KLC2: variants seen among roughly 807,000 people sequenced by gnomAD.
KLC2 encodes kinesin light chain 2, also known as KLC 2.
A neutral mutation model predicts 75.1 loss-of-function variants in KLC2; 35 were observed. The observed-to-expected ratio is 0.47, with a 90% CI of 0.36 to 0.62. The LOEUF (loss-of-function observed/expected upper bound fraction) is 0.62. Among genes scored for constraint, KLC2 ranks in the 20% least tolerant of loss-of-function variants. KLC2 has a pLI of 0.00. For synonymous variants in KLC2, 314 were observed against 336.7 expected, an observed-to-expected ratio of 0.93 and a Z score of 0.74; for missense variants, 611 against 833.2, an observed-to-expected ratio of 0.73 and a Z score of 3.28.
Position 66,267,392 on chromosome 11 carries a change from C to G in KLC2, c.*436C>G, listed in dbSNP as rs2134848094. 1.4e-6 allele frequency: 1 copy of G among 718,992 alleles called. No homozygotes were observed. 44.5% of individuals were successfully genotyped at this position (718,992 alleles called of 1,614,324 possible). ...GCCTCCCTTCAGTCCACGGTACTAC[C>G]CGGGCCTCCCCTCGTCCCTCTTCTA... is the stretch of plus-strand genomic sequence containing the variant. On this transcript the variant is annotated 3_prime_UTR_variant, in exon 16 of 16. Coordinates refer to ENST00000394067, the MANE Select transcript of KLC2 (RefSeq NM_001318734.2).
chr11:66,262,075 G>A lies in KLC2; in HGVS notation c.460-48G>A, dbSNP rs367882054. 123 of 1,596,372 alleles carry A rather than the reference G, an allele frequency of 7.7e-5. No homozygotes were observed. The African/African-American group carries it at 1.6e-3, about 20-fold the overall frequency. On this transcript the variant is annotated intron_variant, in intron 3 of 15. Transcript: ENST00000394067. ...TCCACCCCAGCCCATGGACACCCCG[G>A]CTGCCCTGTGCCTCCTTCCCTGATG...
rs758751697 is a variant in KLC2 at position 66,267,165 on chromosome 11, T to G, written c.*209T>G. ...TCCAGCTCCATCCCTTATTTATTCC[T>G]TCCAGCAGGGCCCTCTTCCCTAGGT... On this transcript the variant is annotated 3_prime_UTR_variant, in exon 16 of 16. Transcript: ENST00000394067. 3.9e-6 allele frequency: 6 copies of G among 1,546,516 alleles called. No individual in the cohort carries two copies. In the African/African-American group the frequency reaches 4.1e-5, roughly 11 times the overall value.
At chr11:66,256,929 A>C (rs1856062226), upstream of KLC2, among the ~76,000 whole-genome samples, 1 of 152,142 alleles carries the variant, frequency 6.6e-6, no homozygotes. Flanking sequence ...ACACCCAGAA[A>C]GGAGAAATTG....
At chr11:66,258,515 C>T in intron 1 of KLC2, 69 bp from the exon 2 acceptor site, 1 of 1,093,188 alleles carries the variant, frequency 9.1e-7, no homozygotes, top group South Asian at 1.4e-5. Flanking sequence ...GCCTGTTTAC[C>T]TAATCCGGGG....
At chr11:66,261,637 C>A in intron 2 of KLC2, 105 bp from the exon 3 acceptor site, 2 of 674,970 alleles carry the variant, frequency 3.0e-6, no homozygotes, top group South Asian at 3.6e-5. Context: ...ACTGTAGGGC[C>A]AGGCCTGGCC....
Position 66,263,945 on chromosome 11 carries a change from G to A in KLC2, c.935G>A (p.Arg312Gln), listed in dbSNP as rs1316532493. 7 of 1,613,736 alleles carry A rather than the reference G, an allele frequency of 4.3e-6. No homozygotes were observed. Among genetic ancestry groups the A allele is most frequent in the South Asian group, 2.2e-5 (2 of 91,064 alleles). ...TTGTGCAAGCGGGCACTGGAGATCC[G>A]GGAGAAGGTGGGAACAGGCAGGGCT... ...EPLCKRALEI[R>Q]EKVLGKFHPD... The change falls in exon 7 of 16, where the codon CGG (arginine) becomes CAG (glutamine). Residue 312 changes from arginine (R) to glutamine (Q), a missense_variant. Physicochemically the swap from Arg to Gln is conservative, Grantham distance 43. Transcript: ENST00000394067.
intron 2 of KLC2, among the ~76,000 whole-genome samples, chr11:66,260,255 A>T (rs1479961515): frequency 2.6e-5 from 4 of 152,080 alleles, no homozygotes; most frequent in Non-Finnish European, 5.9e-5. Flanking sequence ...GGTCTCAGAC[A>T]GCCTGGCCCT....
At chr11:66,251,446 C>T in the KLC2 span, among the ~76,000 whole-genome samples, 3 of 135,108 alleles carry the variant, frequency 2.2e-5, 1 homozygote, top group South Asian at 4.7e-4. Context: ...GTGCCAAGAT[C>T]GCGCCACTGC....
rs525698 is a variant in KLC2, at chr11:66,263,979, T to C, written c.942+27T>C. ...TGGGAACAGGCAGGGCTGGGCAGGCTGGGGGTCTGGGAGGCAGGGGCCCGG... is the reference window on the plus strand; with the variant it reads ...TGGGAACAGGCAGGGCTGGGCAGGCCGGGGGTCTGGGAGGCAGGGGCCCGG... On this transcript the variant is annotated intron_variant, in intron 7 of 15. Coordinates refer to ENST00000394067, the MANE Select transcript of KLC2 (RefSeq NM_001318734.2). The C allele has an allele frequency of 1, 1,605,616 of 1,613,502 alleles. 799,114 individuals carry two copies. The highest frequency in any genetic ancestry group is 1 in the East Asian group (44,862 of 44,864).
At position 66,262,104 on chromosome 11, in the gene KLC2, A is replaced by G; in HGVS notation, c.460-19A>G. On this transcript the variant is annotated intron_variant, in intron 3 of 15. Transcript: ENST00000394067. ...CCCTGTGCCTCCTTCCCTGATGCTCATCCTGTCTTCCTTCCCAGGAGGAGA... is the reference window on the plus strand; with the variant it reads ...CCCTGTGCCTCCTTCCCTGATGCTCGTCCTGTCTTCCTTCCCAGGAGGAGA... 6.2e-7 allele frequency: 1 copy of G among 1,612,076 alleles called. No individual in the cohort carries two copies. The highest frequency in any genetic ancestry group is 8.5e-7 in the Non-Finnish European group (1 of 1,178,770).
At chr11:66,264,792 TG>T in intron 9 of KLC2, 1 of 589,524 alleles carries the variant, frequency 1.7e-6, no homozygotes, top group Non-Finnish European at 3.0e-6. Context: ...CCTCGGAGCC[TG>T]GCCCATCATT....
At chr11:66,247,689 A>G in the KLC2 span, among the ~76,000 whole-genome samples, 1 of 151,116 alleles carries the variant, frequency 6.6e-6, no homozygotes, top group Non-Finnish European at 1.5e-5. Flanking sequence ...TGTCTCTCCC[A>G]CAAGAATGCA....
In KLC2 at chr11:66,258,700, C is replaced by A. The variant is rs566333033; in HGVS notation, c.106C>A (p.Arg36Ser). Residue 36 changes from arginine to serine, a missense_variant, in exon 2 of 16, where the codon CGT becomes AGT. By Grantham distance (110) the Arg-to-Ser change is moderately radical. Transcript: ENST00000394067. ...QGLETLRGEH[R>S]ALLAPLVAPE... ...ACTGGAGACTCTGCGTGGGGAGCAT[C>A]GTGCCCTGCTGGCTCCTCTGGTTGC... 1 of 1,613,832 alleles carries A rather than the reference C, an allele frequency of 6.2e-7. No individual in the cohort carries two copies. The highest frequency in any genetic ancestry group is 1.1e-5 in the South Asian group (1 of 91,086).
In KLC2 at chr11:66,267,390, A is replaced by T; in HGVS notation, c.*434A>T. 1.4e-6 allele frequency: 1 copy of T among 719,286 alleles called. No individual in the cohort carries two copies. Among genetic ancestry groups the T allele is most frequent in the Non-Finnish European group, 2.6e-6 (1 of 386,906 alleles). 44.6% of individuals were successfully genotyped at this position (719,286 alleles called of 1,614,324 possible). ...GCGCCTCCCTTCAGTCCACGGTACT[A>T]CCCGGGCCTCCCCTCGTCCCTCTTC... On this transcript the variant is annotated 3_prime_UTR_variant, in exon 16 of 16. Transcript: ENST00000394067.
intron 5 of KLC2, 72 bp from the exon 6 acceptor site, chr11:66,263,588 C>T: frequency 9.6e-7 from 1 of 1,045,890 alleles, no homozygotes; most frequent in South Asian, 1.4e-5. Flanking sequence ...GGAGTGACCA[C>T]AGGGATTGCA....
chr11:66,262,290 T>A, intron 4 of KLC2, 98 bp downstream of exon 4: 3 of 904,592 alleles, frequency 3.3e-6, no homozygotes, highest in Non-Finnish European at 5.4e-6. Flanking sequence ...GCCTCACTTC[T>A]GATCATGACA....
At chr11:66,255,851 C>T (rs1343365960), upstream of KLC2, among the ~76,000 whole-genome samples, 1 of 151,786 alleles carries the variant, frequency 6.6e-6, no homozygotes, top group East Asian at 1.9e-4. Flanking sequence ...CTGCAACCTC[C>T]GCCTCCCGGG....
At chr11:66,248,887 TAC>T in the KLC2 span, among the ~76,000 whole-genome samples, 1 of 152,110 alleles carries the variant, frequency 6.6e-6, no homozygotes, top group African/African-American at 2.4e-5. Flanking sequence ...CATGTGTCAT[TAC>T]ACCTGGCTCT....
At chr11:66,264,898 A>T in intron 9 of KLC2, 125 bp from the exon 10 acceptor site, 2 of 813,176 alleles carry the variant, frequency 2.5e-6, no homozygotes, top group Non-Finnish European at 4.1e-6. Context: ...TTTGGGTCTT[A>T]CTCTTGTTCA....
Sources: gnomAD v4.1 joint callset for allele counts (sites outside exome capture counted in the v4.1 genomes callset) on GRCh38, gnomAD v4.1.1 for gene constraint, MANE v1.5 for transcripts, NCBI Gene and HGNC (gene_info 2026-07-23, HGNC 2026-07-21) for gene names.